Variants in CDIN1 observed in about 807,000 individuals in gnomAD.
CDIN1 encodes the protein CDAN1 interacting nuclease 1.
In CDIN1, 33 loss-of-function variants were observed where a neutral mutation model predicts 45.3. The observed-to-expected ratio is 0.73, with a 90% CI of 0.55 to 0.97. CDIN1 has a LOEUF of 0.97. Ranked by LOEUF, CDIN1 falls within the 50% of genes least tolerant of loss-of-function variation. The pLI, the probability that CDIN1 is intolerant of heterozygous loss-of-function variation, is 0.00. For missense variants in CDIN1, 303 were observed against 339.4 expected, an observed-to-expected ratio of 0.89 and a Z score of 0.84; for synonymous variants, 118 against 124.4, an observed-to-expected ratio of 0.95 and a Z score of 0.34.
chr15:36,628,219 T>C (rs553663425), intron 1 of CDIN1, among the ~76,000 whole-genome samples: 53 of 152,122 alleles, frequency 3.5e-4, no homozygotes, highest in African/African-American at 1.3e-3. Flanking sequence ...GGTCAGTTTT[T>C]CCCCCCTGCC....
At chr15:36,795,903 A>AG (rs61368434) in intron 10 of CDIN1, among the ~76,000 whole-genome samples, 241 of 152,184 alleles carry the variant, frequency 1.6e-3, no homozygotes, top group African/African-American at 5.6e-3. Flanking sequence ...TGACCATGTG[A>AG]AATGGTTCTT....
intron 10 of CDIN1, among the ~76,000 whole-genome samples, chr15:36,721,030 G>A (rs536848398): frequency 6.6e-6 from 1 of 152,292 alleles, no homozygotes; most frequent in African/African-American, 2.4e-5. Context: ...GATGACCAGT[G>A]ATGATGAGCA....
chr15:36,749,900 C>T (rs1163429979), intron 10 of CDIN1, among the ~76,000 whole-genome samples: 1 of 152,208 alleles, frequency 6.6e-6, no homozygotes, highest in African/African-American at 2.4e-5. Context: ...AGGGCACCAA[C>T]CAGGTCCCCC....
At chr15:36,595,809 A>G (rs1446250887) in intron 1 of CDIN1, among the ~76,000 whole-genome samples, 1 of 152,216 alleles carries the variant, frequency 6.6e-6, no homozygotes, top group Non-Finnish European at 1.5e-5. Flanking sequence ...TTGGGAGATG[A>G]ATAGAGCTTA....
chr15:36,657,829 A>G lies in CDIN1; in HGVS notation c.274-4A>G, dbSNP rs770982288. On this transcript the variant is annotated splice_region_variant and splice_polypyrimidine_tract_variant and intron_variant, in intron 4 of 10. Transcript: ENST00000566621. ...TTTTAATTTTCTACTTCTGTTTTAT[A>G]AAGGTGGACTATGCGCCCTCATTAA... 1.2e-6 allele frequency: 2 copies of G among 1,608,318 alleles called. No homozygotes were observed. Among genetic ancestry groups the G allele is most frequent in the South Asian group, 2.2e-5 (2 of 89,732 alleles).
chr15:36,593,582 T>C (rs1290151909), intron 1 of CDIN1, among the ~76,000 whole-genome samples: 1 of 152,168 alleles, frequency 6.6e-6, no homozygotes, highest in Admixed American at 6.5e-5. Flanking sequence ...TTGTTATTTT[T>C]TGAAATGGAG....
At chr15:36,674,148 A>G (rs1296389132) in intron 5 of CDIN1, among the ~76,000 whole-genome samples, 1 of 152,170 alleles carries the variant, frequency 6.6e-6, no homozygotes, top group Admixed American at 6.6e-5. Context: ...GGAACCTGCA[A>G]TGATGCAGAG....
At chr15:36,736,895 A>C (rs1340271392) in intron 10 of CDIN1, among the ~76,000 whole-genome samples, 1 of 152,122 alleles carries the variant, frequency 6.6e-6, no homozygotes, top group East Asian at 1.9e-4. Flanking sequence ...GGCCGGGCAC[A>C]GTGGCTCATG....
chr15:36,667,526 TA>T (rs2041292777), intron 5 of CDIN1, among the ~76,000 whole-genome samples: 1 of 152,180 alleles, frequency 6.6e-6, no homozygotes, highest in African/African-American at 2.4e-5. Context: ...TTCAATGTGG[TA>T]ACTGCCAATT....
intron 10 of CDIN1, among the ~76,000 whole-genome samples, chr15:36,793,937 A>G (rs556535168): frequency 1.3e-5 from 2 of 150,182 alleles, no homozygotes; most frequent in East Asian, 3.9e-4. Context: ...TGTTTACATT[A>G]TCTTCTTCCC....
At position 36,654,112 on chromosome 15, in the gene CDIN1, TG is replaced by T; in HGVS notation, c.229del (p.Val77Ter). ...GTCTTGTCTAGGTACCTGAATGGAG[TG>T]GTGAAAAATGGAGCTGCCCCAGTGC... Reference protein sequence around the residue: ...ESYYQRYLNGVVKNGAAPVLL... With the variant: ...ESYYQRYLNGXVKNGAAPVLL... On this transcript the variant is annotated frameshift_variant, in exon 4 of 11. Transcript: ENST00000566621. LOFTEE classifies it high-confidence loss of function. The T allele has an allele frequency of 6.3e-7, 1 of 1,578,150 alleles. No homozygotes were observed. The highest frequency in any genetic ancestry group is 1.8e-5 in the Admixed American group (1 of 54,952).
chr15:36,598,270 G>T (rs2037931247), intron 1 of CDIN1, among the ~76,000 whole-genome samples: 1 of 152,164 alleles, frequency 6.6e-6, no homozygotes, highest in Non-Finnish European at 1.5e-5. Flanking sequence ...TGGATTACAG[G>T]TGTGAGCCAC....
intron 5 of CDIN1, among the ~76,000 whole-genome samples, chr15:36,666,992 A>C (rs2041273204): frequency 6.6e-6 from 1 of 152,240 alleles, no homozygotes; most frequent in Non-Finnish European, 1.5e-5. Context: ...AGGTACCCAG[A>C]GCTTAAGTGA....
In CDIN1 at chr15:36,709,278, A is replaced by C; in HGVS notation, c.600A>C (p.Gln200His). 6.2e-7 allele frequency: 1 copy of C among 1,601,636 alleles called. No homozygotes were observed. The highest frequency in any genetic ancestry group is 8.5e-7 in the Non-Finnish European group (1 of 1,173,582). The stretch of plus-strand genomic sequence containing the variant: ...ACAAAACACCAGACTTCATTTTACA[A>C]GTACCAGTTGGTAAGTTCTTTAACT... Reference protein sequence around the residue: ...GYDKTPDFILQVPVAVEGHII... With the variant: ...GYDKTPDFILHVPVAVEGHII... The change falls in exon 9 of 11, where the codon CAA becomes CAC. Residue 200 changes from glutamine (Q) to histidine (H), a missense_variant. Coordinates refer to ENST00000566621, the MANE Select transcript of CDIN1 (RefSeq NM_001321759.2).
intron 5 of CDIN1, among the ~76,000 whole-genome samples, chr15:36,669,371 C>G (rs187319149): frequency 5.3e-5 from 8 of 152,176 alleles, no homozygotes; most frequent in African/African-American, 1.9e-4. Flanking sequence ...TTAAGTTTGT[C>G]ATAAGGTCAT....
chr15:36,697,197 A>G lies in CDIN1; in HGVS notation c.477-126A>G, dbSNP rs567486934. ...ATTATTTAAATGAGGGGATGTGTGT[A>G]GAGATTTCATTCCTCCAAGATGTGG... On this transcript the variant is annotated intron_variant, in intron 7 of 10. Coordinates refer to ENST00000566621, the MANE Select transcript of CDIN1 (RefSeq NM_001321759.2). 9.7e-5 allele frequency: 74 copies of G among 761,030 alleles called. 1 individual carries two copies. In the South Asian group the frequency reaches 1.2e-3, roughly 12 times the overall value. 47.1% of individuals were successfully genotyped at this position (761,030 alleles called of 1,614,324 possible). A position where few individuals can be genotyped will look rare whatever the true frequency, so the allele number is the denominator to read the frequency against.
At chr15:36,654,815 T>C (rs1171013225) in intron 4 of CDIN1, among the ~76,000 whole-genome samples, 1 of 152,110 alleles carries the variant, frequency 6.6e-6, no homozygotes, top group Non-Finnish European at 1.5e-5. Context: ...TGTGAAAAGT[T>C]CATAATAGTT....
chr15:36,642,736 T>C (rs549696016), intron 1 of CDIN1, among the ~76,000 whole-genome samples: 1 of 152,350 alleles, frequency 6.6e-6, no homozygotes, highest in Non-Finnish European at 1.5e-5. Flanking sequence ...TTTTCATTGG[T>C]CATTGGTCCC....
chr15:36,634,701 A>G (rs1192558793), intron 1 of CDIN1, among the ~76,000 whole-genome samples: 3 of 152,060 alleles, frequency 2.0e-5, no homozygotes, highest in African/African-American at 4.8e-5. Flanking sequence ...TGATGCTCTT[A>G]TTTCGTTTCC....
Sources: gnomAD v4.1 joint callset for allele counts (sites outside exome capture counted in the v4.1 genomes callset) on GRCh38, gnomAD v4.1.1 for gene constraint, MANE v1.5 for transcripts, NCBI Gene and HGNC (gene_info 2026-07-23, HGNC 2026-07-21) for gene names.